The following ITPR2 variants were observed in gnomAD, a reference collection of about 807,000 sequenced individuals.
ITPR2 encodes the protein inositol 1,4,5-trisphosphate-gated calcium channel ITPR2.
A neutral mutation model predicts 317.1 loss-of-function variants in ITPR2; 207 were observed. The observed-to-expected ratio is 0.65, with a 90% confidence interval of 0.58 to 0.73. The LOEUF is 0.73. Among genes scored for constraint, ITPR2 ranks in the 30% least tolerant of loss-of-function variants. The pLI is 0.00. For synonymous variants in ITPR2, 1,156 were observed against 1,149.1 expected, an observed-to-expected ratio of 1.01 and a Z score of -0.12; for missense variants, 2,613 against 3,284.0, an observed-to-expected ratio of 0.80 and a Z score of 4.99.
At chr12:26,383,466 TTTTGTTTGTTTG>T (rs144997730) in intron 55 of ITPR2, among the ~76,000 whole-genome samples, 8 of 151,346 alleles carry the variant, frequency 5.3e-5, no homozygotes, top group South Asian at 2.1e-4. Context: ...TTCTATGTTT[TTTTGTTTGTTTG>T]TTTGTTTGTT....
intron 55 of ITPR2, among the ~76,000 whole-genome samples, chr12:26,355,272 T>G (rs768398954): frequency 6.6e-6 from 1 of 152,194 alleles, no homozygotes; most frequent in South Asian, 2.1e-4. Context: ...ATTGGCTAAA[T>G]AGGTACACAT....
intron 9 of ITPR2, among the ~76,000 whole-genome samples, chr12:26,698,604 A>G (rs558383572): frequency 2.0e-5 from 3 of 152,240 alleles, no homozygotes; most frequent in African/African-American, 7.2e-5. Flanking sequence ...GTTTCATGAC[A>G]GCAGTCTTTC....
chr12:26,561,898 A>G lies in ITPR2; in HGVS notation c.4685T>C (p.Leu1562Pro), dbSNP rs1396239271. The G allele has an allele frequency of 3.2e-6, 5 of 1,579,930 alleles. No homozygotes were observed. In the African/African-American group the frequency reaches 4.1e-5, roughly 13 times the overall value. The part of the protein sequence containing the change: ...PVDLDSQVNT[L>P]FMKSHSNMVQ... Reference sequence around the variant, plus strand: ...CATATTTGAATGGCTCTTCATGAAAAGAGTATTAACTTGGCTGTCCAAATC... The same window carrying G: ...CATATTTGAATGGCTCTTCATGAAAGGAGTATTAACTTGGCTGTCCAAATC... Residue 1562 changes from leucine (L) to proline (P), a missense_variant, in exon 35 of 57, where the codon CTT becomes CCT. By Grantham distance (98) the Leu-to-Pro change is moderately conservative. Transcript: ENST00000381340.
rs1946519835 is a variant in ITPR2 at position 26,622,376 on chromosome 12, T to C, written c.3152A>G (p.Asp1051Gly). 8.7e-6 allele frequency: 14 copies of C among 1,606,906 alleles called. No individual in the cohort carries two copies. The highest frequency in any genetic ancestry group is 1.1e-5 in the Non-Finnish European group (13 of 1,178,060). The part of the protein sequence containing the change: ...RKEKNPVQLD[D>G]EGGRTFLRVL... ...CCGTAAAAACGTCCTGCCTCCTTCATCGTCAAGTTGAACTGGATTTTTTTC... is the reference window on the plus strand; with the variant it reads ...CCGTAAAAACGTCCTGCCTCCTTCACCGTCAAGTTGAACTGGATTTTTTTC... Residue 1051 changes from aspartate to glycine, a missense_variant, in exon 25 of 57, where the codon GAT becomes GGT. Around this residue, in one of 9 missense-constraint regions of ITPR2, gnomAD observed 817 missense variants for 897.6 expected, o/e 0.91. Coordinates refer to ENST00000381340, the MANE Select transcript of ITPR2 (RefSeq NM_002223.4).
intron 1 of ITPR2, among the ~76,000 whole-genome samples, chr12:26,827,875 T>C (rs961369016): frequency 1.3e-5 from 2 of 152,246 alleles, no homozygotes; most frequent in Admixed American, 1.3e-4. Context: ...TCACTAAATA[T>C]ATACAGTGTC....
chr12:26,758,566 T>C (rs530931218), intron 2 of ITPR2, among the ~76,000 whole-genome samples: 63 of 152,326 alleles, frequency 4.1e-4, no homozygotes, highest in African/African-American at 1.2e-3. Context: ...GCATGTCTAG[T>C]ATATAAGGCC....
intron 2 of ITPR2, among the ~76,000 whole-genome samples, chr12:26,768,629 C>A (rs1179763626): frequency 7.4e-6 from 1 of 134,622 alleles, no homozygotes; most frequent in Non-Finnish European, 1.5e-5. Context: ...CTCTAGCAAG[C>A]ATTTCTCAAA....
intron 6 of ITPR2, 34 bp downstream of exon 6, chr12:26,716,110 T>G: frequency 7.4e-7 from 1 of 1,352,880 alleles, no homozygotes; most frequent in Non-Finnish European, 1.1e-6. Flanking sequence ...ATGAGAAAAA[T>G]GAACACATTC....
chr12:26,599,167 C>G lies in ITPR2; in HGVS notation c.3980G>C (p.Cys1327Ser). 5.6e-6 allele frequency: 9 copies of G among 1,614,048 alleles called. No individual in the cohort carries two copies. Among genetic ancestry groups the G allele is most frequent in the Non-Finnish European group, 7.6e-6 (9 of 1,179,926 alleles). Residue 1327 changes from cysteine (C) to serine (S), a missense_variant, in exon 30 of 57, where the codon TGC becomes TCC. Transcript: ENST00000381340. ...TACCTCTGTCATTACCATATCCTGG[C>G]ATTTCTTCACATATTTACCATCTGC... is the stretch of plus-strand genomic sequence containing the variant. ...VKADGKYVKK[C>S]QDMVMTELIN...
intron 21 of ITPR2, among the ~76,000 whole-genome samples, chr12:26,638,007 C>T (rs1946901000): frequency 6.6e-6 from 1 of 152,054 alleles, no homozygotes; most frequent in Non-Finnish European, 1.5e-5. Flanking sequence ...CAACCAAAAG[C>T]ATGTAACCAA....
intron 37 of ITPR2, among the ~76,000 whole-genome samples, chr12:26,517,510 C>A (rs1270282046): frequency 1.3e-5 from 2 of 152,070 alleles, no homozygotes; most frequent in African/African-American, 2.4e-5. Flanking sequence ...AACAATTACA[C>A]CAGTCAGAAA....
At chr12:26,408,425 T>C (rs1940429059) in intron 52 of ITPR2, among the ~76,000 whole-genome samples, 1 of 152,218 alleles carries the variant, frequency 6.6e-6, no homozygotes, top group Non-Finnish European at 1.5e-5. Flanking sequence ...ATAATTACAA[T>C]AGACCATTTG....
At chr12:26,515,839 G>A (rs1943473218) in intron 37 of ITPR2, among the ~76,000 whole-genome samples, 2 of 151,968 alleles carry the variant, frequency 1.3e-5, no homozygotes. Flanking sequence ...CCCGGGTATG[G>A]TGGCTCATGC....
chr12:26,556,878 G>T (rs950472228), intron 35 of ITPR2, among the ~76,000 whole-genome samples: 1 of 151,828 alleles, frequency 6.6e-6, no homozygotes, highest in African/African-American at 2.4e-5. Flanking sequence ...CAGGATTTGG[G>T]GACCAGCCTG....
intron 37 of ITPR2, among the ~76,000 whole-genome samples, chr12:26,500,644 T>C (rs1295173136): frequency 1.3e-5 from 2 of 152,162 alleles, no homozygotes; most frequent in African/African-American, 4.8e-5. Flanking sequence ...TAAAAAGACA[T>C]CTTTTGTGGC....
chr12:26,690,796 A>G (rs1948225355), intron 10 of ITPR2, among the ~76,000 whole-genome samples: 1 of 151,558 alleles, frequency 6.6e-6, no homozygotes, highest in African/African-American at 2.4e-5. Context: ...CACAGAAAAA[A>G]CTCACCAGTT....
At chr12:26,686,762 T>C (rs1262448868) in intron 10 of ITPR2, 130 bp from the exon 11 acceptor site, 4 of 783,632 alleles carry the variant, frequency 5.1e-6, no homozygotes, top group Non-Finnish European at 8.1e-6. Flanking sequence ...TTTCACATCA[T>C]CCAGAAACAC....
At chr12:26,750,749 G>T (rs1396346713) in intron 2 of ITPR2, among the ~76,000 whole-genome samples, 1 of 152,144 alleles carries the variant, frequency 6.6e-6, no homozygotes, top group African/African-American at 2.4e-5. Context: ...AAGTCCTGAC[G>T]CAGAAGAAAA....
intron 10 of ITPR2, 33 bp from the exon 11 acceptor site, chr12:26,686,665 T>A (rs1221159138): frequency 1.9e-6 from 3 of 1,569,090 alleles, no homozygotes. Context: ...TTTACTTTTA[T>A]CACGTTTCTT....
Sources: allele counts gnomAD v4.1 joint callset (sites outside exome capture counted in the v4.1 genomes callset), GRCh38; gene constraint gnomAD v4.1.1; regional missense constraint gnomAD v4.1.1; transcripts MANE v1.5; gene names NCBI Gene and HGNC (gene_info 2026-07-23, HGNC 2026-07-21).